Variants in CHD7 observed in about 807,000 individuals in gnomAD.
CHD7 encodes the protein chromodomain helicase DNA binding protein 7, also known as ATP-dependent chromatin remodeler CHD7.
A neutral mutation model predicts 307.3 loss-of-function variants in CHD7; 24 were observed. The observed-to-expected ratio is 0.08, with a 90% CI of 0.06 to 0.11. CHD7 has a LOEUF of 0.11. Among genes scored for constraint, CHD7 ranks in the 10% least tolerant of loss-of-function variants. CHD7 has a pLI of 1.00. For missense variants in CHD7, 3,106 were observed against 3,727.1 expected (o/e 0.83, Z 4.34); for synonymous variants, 1,363 against 1,349.9 (o/e 1.01, Z -0.21).
At position 60,844,849 on chromosome 8, in the gene CHD7, A is replaced by G; in HGVS notation, c.4851-15A>G. On this transcript the variant is annotated splice_polypyrimidine_tract_variant and intron_variant, in intron 21 of 37. Coordinates refer to ENST00000423902, the MANE Select transcript of CHD7 (RefSeq NM_017780.4). The stretch of plus-strand genomic sequence containing the variant: ...ACTCACAGGCACCTCTGCATGCTGG[A>G]TATTTGCTTTGCAGTTGGGGACGGT... 6.4e-7 allele frequency: 1 copy of G among 1,572,112 alleles called. No individual in the cohort carries two copies. Among genetic ancestry groups the G allele is most frequent in the Non-Finnish European group, 8.7e-7 (1 of 1,155,718 alleles).
At chr8:60,702,244 C>T (rs1467035341) in intron 1 of CHD7, among the ~76,000 whole-genome samples, 3 of 152,124 alleles carry the variant, frequency 2.0e-5, no homozygotes, top group African/African-American at 7.2e-5. Flanking sequence ...ACAGGGAGCA[C>T]TTACTAAATG....
intron 8 of CHD7, among the ~76,000 whole-genome samples, chr8:60,817,965 G>C (rs527833344): frequency 2.0e-5 from 3 of 152,218 alleles, no homozygotes; most frequent in Admixed American, 6.5e-5. Flanking sequence ...CTCTCCTGTA[G>C]TCACACTGTC....
intron 2 of CHD7, among the ~76,000 whole-genome samples, chr8:60,757,636 A>G (rs1375984222): frequency 6.6e-6 from 1 of 152,210 alleles, no homozygotes; most frequent in Non-Finnish European, 1.5e-5. Context: ...GGATGAGTGA[A>G]AGCCATTTTG....
intron 1 of CHD7, among the ~76,000 whole-genome samples, chr8:60,718,100 A>C (rs1407154240): frequency 6.6e-6 from 1 of 152,176 alleles, no homozygotes; most frequent in African/African-American, 2.4e-5. Flanking sequence ...GTGGCACAGA[A>C]TGTGGAGATG....
chr8:60,822,055 C>T lies in CHD7; in HGVS notation c.2867C>T (p.Ser956Leu), dbSNP rs367557471. The change falls in exon 11 of 38, where the codon TCG becomes TTG. Residue 956 changes from serine to leucine, a missense_variant. Transcript: ENST00000423902. Reference protein sequence around the residue: ...ERPPADDWKKSESSREYKNNN... With the variant: ...ERPPADDWKKLESSREYKNNN... ...CCTCCTGCTGATGATTGGAAGAAAT[C>T]GGAGAGTTCCAGGGAGTATAAAAAC... 3.1e-5 allele frequency: 50 copies of T among 1,613,596 alleles called. No individual in the cohort carries two copies. Among genetic ancestry groups the T allele is most frequent in the African/African-American group, 6.7e-5 (5 of 74,868 alleles).
intron 1 of CHD7, among the ~76,000 whole-genome samples, chr8:60,723,660 AG>A: frequency 6.6e-6 from 1 of 152,260 alleles, no homozygotes; most frequent in Admixed American, 6.5e-5. Context: ...CCTTGGAGAC[AG>A]GACACCACAT....
chr8:60,737,312 T>G (rs1169552978), intron 1 of CHD7, among the ~76,000 whole-genome samples: 1 of 152,246 alleles, frequency 6.6e-6, no homozygotes, highest in African/African-American at 2.4e-5. Context: ...TTAGTGATTC[T>G]CTGAATAAAA....
At chr8:60,708,239 C>T (rs1173124783) in intron 1 of CHD7, among the ~76,000 whole-genome samples, 1 of 152,288 alleles carries the variant, frequency 6.6e-6, no homozygotes. Context: ...ATGAGGTATT[C>T]GAAATCACAC....
intron 1 of CHD7, among the ~76,000 whole-genome samples, chr8:60,704,631 T>C (rs1412531642): frequency 6.6e-6 from 1 of 150,858 alleles, no homozygotes. Flanking sequence ...TGATCTAGTG[T>C]GGTGTGGTCC....
intron 1 of CHD7, among the ~76,000 whole-genome samples, chr8:60,690,437 G>T (rs1357329955): frequency 1.3e-5 from 2 of 151,976 alleles, no homozygotes; most frequent in Non-Finnish European, 2.9e-5. Flanking sequence ...TTTATCACCA[G>T]ATTTAGTATG....
At chr8:60,780,593 A>T (rs6471900) in intron 2 of CHD7, among the ~76,000 whole-genome samples, 38,102 of 152,158 alleles carry the variant, frequency 0.25, 8,226 homozygotes, top group African/African-American at 0.59. Flanking sequence ...TGGCTAAATT[A>T]TATACCTTTT....
At chr8:60,822,261 A>G (rs1479337149) in intron 11 of CHD7, 116 bp downstream of exon 11, 4 of 886,662 alleles carry the variant, frequency 4.5e-6, no homozygotes, top group Non-Finnish European at 6.4e-6. Flanking sequence ...CTTTTTCAAA[A>G]AACAAGCATT....
At chr8:60,705,782 A>G (rs1009171373) in intron 1 of CHD7, among the ~76,000 whole-genome samples, 2 of 152,246 alleles carry the variant, frequency 1.3e-5, no homozygotes, top group Admixed American at 6.5e-5. Context: ...AAACAGGGAG[A>G]AAAGTGAACT....
chr8:60,806,601 T>C (rs1402392805), intron 6 of CHD7, among the ~76,000 whole-genome samples: 2 of 152,236 alleles, frequency 1.3e-5, no homozygotes, highest in African/African-American at 2.4e-5. Flanking sequence ...TTTATAGTTA[T>C]TACGTTTCAT....
intron 21 of CHD7, among the ~76,000 whole-genome samples, chr8:60,844,191 C>T (rs545908018): frequency 9.2e-5 from 14 of 152,338 alleles, no homozygotes; most frequent in Middle Eastern, 3.4e-3. Flanking sequence ...GGGATTATAA[C>T]ACAAAACAGG....
At chr8:60,692,747 G>A (rs1016692425) in intron 1 of CHD7, among the ~76,000 whole-genome samples, 13 of 152,154 alleles carry the variant, frequency 8.5e-5, no homozygotes, top group East Asian at 1.9e-4. Context: ...GGCCGAAGGC[G>A]TCATTAGGGT....
chr8:60,781,603 A>G (rs965323816), intron 3 of CHD7, among the ~76,000 whole-genome samples, 173 bp downstream of exon 3: 5 of 152,212 alleles, frequency 3.3e-5, no homozygotes, highest in Non-Finnish European at 2.9e-5. Context: ...GCATTCTGAA[A>G]GTTAGGACTT....
chr8:60,687,506 C>T (rs772522135), intron 1 of CHD7, among the ~76,000 whole-genome samples: 8 of 152,134 alleles, frequency 5.3e-5, no homozygotes, highest in Non-Finnish European at 7.3e-5. Context: ...CTCAAGTGTA[C>T]CGATCTTGCA....
At chr8:60,768,141 G>T (rs1360644082) in intron 2 of CHD7, among the ~76,000 whole-genome samples, 2 of 152,040 alleles carry the variant, frequency 1.3e-5, no homozygotes, top group Non-Finnish European at 2.9e-5. Flanking sequence ...ACTCCCCTCT[G>T]AAATCATTTT....
Sources: gnomAD v4.1 joint callset for allele counts (sites outside exome capture counted in the v4.1 genomes callset) on GRCh38, gnomAD v4.1.1 for gene constraint, MANE v1.5 for transcripts, NCBI Gene and HGNC (gene_info 2026-07-23, HGNC 2026-07-21) for gene names.